Variants in DNAJC5B observed in about 807,000 individuals in gnomAD.
The protein encoded by DNAJC5B is DnaJ heat shock protein family (Hsp40) member C5 beta, also known as dnaJ homolog subfamily C member 5B.
A neutral mutation model predicts 24.7 loss-of-function variants in DNAJC5B; 23 were observed. The ratio of observed to expected loss-of-function variants is 0.93; its 90% confidence interval spans 0.67 to 1.32. The LOEUF (loss-of-function observed/expected upper bound fraction) is 1.32, where lower values mean the gene tolerates loss of function less well. DNAJC5B is among the 40% of genes most tolerant of loss of function. DNAJC5B has a pLI of 0.00. For missense variants in DNAJC5B, 238 were observed against 240.8 expected (o/e 0.99, Z 0.08); for synonymous variants, 101 against 90.1 (o/e 1.12, Z -0.68).
chr8:66,051,461 T>G, intron 2 of DNAJC5B, 70 bp from the exon 3 acceptor site: 1 of 863,222 alleles, frequency 1.2e-6, no homozygotes. Flanking sequence ...AGGTCAAAAA[T>G]GAGCTGTCTT....
intron 5 of DNAJC5B, among the ~76,000 whole-genome samples, chr8:66,089,259 C>G (rs922092155): frequency 1.3e-5 from 2 of 152,156 alleles, no homozygotes; most frequent in Non-Finnish European, 1.5e-5. Context: ...AACTCACTAT[C>G]AAGAGAACAG....
chr8:66,066,489 T>C (rs10096789), intron 3 of DNAJC5B, among the ~76,000 whole-genome samples: 19,332 of 152,142 alleles, frequency 0.13, 2,497 homozygotes, highest in African/African-American at 0.33. Context: ...TAAGTGCCCA[T>C]CGACCAATGA....
At chr8:66,021,875 G>T (rs973152405) in intron 1 of DNAJC5B, among the ~76,000 whole-genome samples, 170 bp downstream of exon 1, 1 of 152,240 alleles carries the variant, frequency 6.6e-6, no homozygotes, top group African/African-American at 2.4e-5. Context: ...TTCCGAGGCT[G>T]TAGTCCACTT....
rs1364306424 is a variant in DNAJC5B, at chr8:66,051,516, T to C, written c.-17-15T>C. On this transcript the variant is annotated splice_polypyrimidine_tract_variant and intron_variant, in intron 2 of 5. Transcript: ENST00000276570. ...GTAGTGTGCATAACCTTCATGGCTA[T>C]TTTCTCCCCTTTAGTTTTGCAGCCT... 1 of 1,517,124 alleles carries C rather than the reference T, an allele frequency of 6.6e-7. No homozygotes were observed. 94.0% of individuals were successfully genotyped at this position (1,517,124 alleles called of 1,614,324 possible).
chr8:66,042,564 T>C (rs1032567453), intron 1 of DNAJC5B, among the ~76,000 whole-genome samples: 1 of 152,136 alleles, frequency 6.6e-6, no homozygotes, highest in Admixed American at 6.5e-5. Flanking sequence ...GGGTATTTCA[T>C]TCTAAATTTG....
intron 3 of DNAJC5B, among the ~76,000 whole-genome samples, chr8:66,063,321 G>A (rs961868585): frequency 2.6e-5 from 4 of 152,180 alleles, no homozygotes; most frequent in Non-Finnish European, 4.4e-5. Context: ...AATCTGTGGT[G>A]CTTTTACCCA....
At chr8:66,059,328 G>A (rs140504971) in intron 3 of DNAJC5B, among the ~76,000 whole-genome samples, 14 of 152,336 alleles carry the variant, frequency 9.2e-5, no homozygotes, top group Admixed American at 2.6e-4. Context: ...AGACTTATTT[G>A]AGTTAATCTT....
chr8:66,041,997 G>C (rs945686919), intron 1 of DNAJC5B, among the ~76,000 whole-genome samples: 13 of 152,236 alleles, frequency 8.5e-5, no homozygotes, highest in Middle Eastern at 3.4e-3. Flanking sequence ...GTTCTTTTCA[G>C]ATCTCTGCCC....
chr8:66,055,311 A>C (rs921235646), intron 3 of DNAJC5B, among the ~76,000 whole-genome samples: 1 of 152,200 alleles, frequency 6.6e-6, no homozygotes, highest in Non-Finnish European at 1.5e-5. Flanking sequence ...TCCACTGAGA[A>C]TATTATTCTT....
rs546978785 is a variant in DNAJC5B at position 66,100,926 on chromosome 8, A to G, written c.*895A>G. ...TTGCTCAGCTCTGTGCATGTTACAC[A>G]ATTTAAGCCCAGAGGTCATCTCTGC... On this transcript the variant is annotated 3_prime_UTR_variant, in exon 6 of 6. Coordinates refer to ENST00000276570, the MANE Select transcript of DNAJC5B (RefSeq NM_033105.6). 6.6e-6 allele frequency among the ~76,000 whole-genome samples: 1 copy of G among 152,312 alleles called. No individual in the cohort carries two copies. The highest frequency in any genetic ancestry group is 2.4e-5 in the African/African-American group (1 of 41,576).
intron 5 of DNAJC5B, among the ~76,000 whole-genome samples, chr8:66,096,231 T>C (rs1807950137): frequency 6.6e-6 from 1 of 152,166 alleles, no homozygotes. Flanking sequence ...TCCAAATCTC[T>C]TCTTGTAAGG....
chr8:66,078,381 T>G (rs1295730593), intron 4 of DNAJC5B, among the ~76,000 whole-genome samples: 2 of 152,152 alleles, frequency 1.3e-5, no homozygotes, highest in Non-Finnish European at 2.9e-5. Flanking sequence ...ATGCACTACA[T>G]GAATGAATCA....
At chr8:66,030,244 G>A (rs1806330866) in intron 1 of DNAJC5B, among the ~76,000 whole-genome samples, 1 of 152,142 alleles carries the variant, frequency 6.6e-6, no homozygotes, top group Non-Finnish European at 1.5e-5. Flanking sequence ...TGGTAGCTCA[G>A]AGTCATGACC....
chr8:66,020,075 G>A (rs1207240482), upstream of DNAJC5B, among the ~76,000 whole-genome samples: 1 of 152,186 alleles, frequency 6.6e-6, no homozygotes, highest in Non-Finnish European at 1.5e-5. Context: ...TGTGTTCTGG[G>A]ACCAAATGAC....
intron 5 of DNAJC5B, among the ~76,000 whole-genome samples, chr8:66,084,806 G>A (rs1437747170): frequency 5.9e-5 from 9 of 152,284 alleles, no homozygotes. Flanking sequence ...TCTTTGCAGA[G>A]GAAAATTTTG....
At chr8:66,023,911 G>A (rs1195433492) in intron 1 of DNAJC5B, among the ~76,000 whole-genome samples, 1 of 152,200 alleles carries the variant, frequency 6.6e-6, no homozygotes, top group African/African-American at 2.4e-5. Flanking sequence ...GTCCCTGGGT[G>A]CAGGTAGTCA....
chr8:66,066,468 C>T (rs1372418238), intron 3 of DNAJC5B, among the ~76,000 whole-genome samples: 2 of 152,150 alleles, frequency 1.3e-5, no homozygotes, highest in Admixed American at 1.3e-4. Flanking sequence ...TGCAAAGATA[C>T]AGAAGCAACC....
rs112809930 is a variant in DNAJC5B, at chr8:66,083,570, C to A, written c.505+3022C>A. On this transcript the variant is annotated intron_variant, in intron 5 of 5. Coordinates refer to ENST00000276570, the MANE Select transcript of DNAJC5B (RefSeq NM_033105.6). ...TTTGTACATTTCAAACCTTGTTGTC[C>A]TTACTCCAACCAGTACTCCCAGCAT... Among the ~76,000 whole-genome samples the A allele has an allele frequency of 1.3e-3, 203 of 152,218 alleles. 1 individual carries two copies. The highest frequency in any genetic ancestry group is 4.6e-3 in the African/African-American group (191 of 41,560).
At chr8:66,026,977 T>A (rs781744480) in intron 1 of DNAJC5B, among the ~76,000 whole-genome samples, 2 of 152,224 alleles carry the variant, frequency 1.3e-5, no homozygotes, top group Non-Finnish European at 2.9e-5. Context: ...GTGCAATTTT[T>A]AAAAATGCAT....
Sources: allele counts gnomAD v4.1 joint callset (sites outside exome capture counted in the v4.1 genomes callset), GRCh38; gene constraint gnomAD v4.1.1; transcripts MANE v1.5; gene names NCBI Gene and HGNC (gene_info 2026-07-23, HGNC 2026-07-21).